Variants in KLHL29 observed in about 807,000 individuals in gnomAD.
KLHL29 encodes kelch-like protein 29.
KLHL29 carries 21 observed loss-of-function variants against 80.4 expected under a neutral mutation model. That is an observed-to-expected ratio of 0.26 (90% CI 0.19 to 0.38). KLHL29 has a LOEUF of 0.38. KLHL29 is among the 10% of genes least tolerant of loss of function. The pLI is 1.00. For synonymous variants in KLHL29, 511 were observed against 526.8 expected (o/e 0.97, Z 0.41); for missense variants, 867 against 1,223.9 (o/e 0.71, Z 4.35).
chr2:23,705,424 G>T (rs1459745223), intron 13 of KLHL29, among the ~76,000 whole-genome samples: 1 of 152,058 alleles, frequency 6.6e-6, no homozygotes. Context: ...CCTGGGAGGC[G>T]GAGGTTGCAG....
intron 6 of KLHL29, among the ~76,000 whole-genome samples, chr2:23,686,014 C>T (rs1047373138): frequency 1.3e-5 from 2 of 152,184 alleles, no homozygotes; most frequent in South Asian, 4.1e-4. Flanking sequence ...AGAGACCGCA[C>T]ATTGAAAGCC....
intron 5 of KLHL29, among the ~76,000 whole-genome samples, chr2:23,675,158 C>T (rs138153238): frequency 8.8e-4 from 134 of 152,288 alleles, no homozygotes; most frequent in African/African-American, 3.2e-3. Context: ...CTCTCCCGCT[C>T]GGAATATTCC....
chr2:23,654,102 G>A (rs1670165951), intron 5 of KLHL29, among the ~76,000 whole-genome samples: 1 of 152,080 alleles, frequency 6.6e-6, no homozygotes, highest in Non-Finnish European at 1.5e-5. Context: ...AGGAGGTAGA[G>A]GTTGCAGTGA....
At chr2:23,397,352 A>C (rs143680611) in intron 1 of KLHL29, among the ~76,000 whole-genome samples, 1 of 152,204 alleles carries the variant, frequency 6.6e-6, no homozygotes, top group African/African-American at 2.4e-5. Context: ...CAGGTTTTAA[A>C]ATTTAAAGCT....
chr2:23,505,903 G>A (rs1316015832), intron 2 of KLHL29, among the ~76,000 whole-genome samples: 4 of 152,216 alleles, frequency 2.6e-5, no homozygotes, highest in African/African-American at 9.6e-5. Flanking sequence ...AGCAACCAAA[G>A]GGCGTTGGGG....
chr2:23,429,229 T>C (rs1005503762), intron 1 of KLHL29, among the ~76,000 whole-genome samples: 2 of 152,204 alleles, frequency 1.3e-5, no homozygotes, highest in African/African-American at 4.8e-5. Context: ...CTAAGATCTG[T>C]TCTCTCCATG....
intron 2 of KLHL29, among the ~76,000 whole-genome samples, chr2:23,479,901 A>C (rs1409970899): frequency 2.0e-5 from 3 of 152,194 alleles, no homozygotes; most frequent in Non-Finnish European, 4.4e-5. Flanking sequence ...TCTTGGGATT[A>C]GATTATTTTA....
chr2:23,562,139 C>G lies in KLHL29; in HGVS notation c.-45-13C>G, dbSNP rs775317192. The G allele has an allele frequency of 6.0e-4, 929 of 1,543,512 alleles. No homozygotes were observed. Among genetic ancestry groups the G allele is most frequent in the Non-Finnish European group, 7.6e-4 (869 of 1,144,208 alleles). On this transcript the variant is annotated splice_polypyrimidine_tract_variant and intron_variant, in intron 2 of 13. Transcript: ENST00000486442. This position sits in a 1 kb window ranked among gnomAD's most constrained non-coding sequence, Gnocchi z 4.5. ...AGTCCTAAATCACCCTTCTCTCCACCCTGTCACCACAGGTCCGGGCTCTGT... is the reference window on the plus strand; with the variant it reads ...AGTCCTAAATCACCCTTCTCTCCACGCTGTCACCACAGGTCCGGGCTCTGT...
rs76349090 is a variant in KLHL29 at position 23,699,694 on chromosome 2, C to T, written c.2105+3181C>T. On this transcript the variant is annotated intron_variant, in intron 11 of 13. Transcript: ENST00000486442. Reference sequence around the variant, plus strand: ...TCAACCCAACCGTTTGCCTTCTCGGCGCCCAGCCCTGGGGGCTGAATGCTG... The same window carrying T: ...TCAACCCAACCGTTTGCCTTCTCGGTGCCCAGCCCTGGGGGCTGAATGCTG... Among the ~76,000 whole-genome samples, 108 of 152,318 alleles carry T rather than the reference C, an allele frequency of 7.1e-4. 2 individuals are homozygous for T. In the East Asian group the frequency reaches 0.018, roughly 25 times the overall value.
Position 23,642,774 on chromosome 2 carries a change from C to T in KLHL29, c.864C>T (p.Asp288=), listed in dbSNP as rs1186353547. 6.5e-7 allele frequency: 1 copy of T among 1,550,318 alleles called. No individual in the cohort carries two copies. Among genetic ancestry groups the T allele is most frequent in the Non-Finnish European group, 8.7e-7 (1 of 1,146,906 alleles). The change falls in exon 5 of 14, where the codon GAC becomes GAT. Residue 288 remains aspartate, a synonymous_variant. Transcript: ENST00000486442. ...CCACCAATGGGCCCCCCACAACCGA[C>T]TCGGCCCACGGGCTGCAGATGCTGC... The part of the protein sequence containing the change: ...APATNGPPTT[D]SAHGLQMLRT...
At chr2:23,583,521 G>C (rs939374728) in intron 3 of KLHL29, among the ~76,000 whole-genome samples, 1 of 152,172 alleles carries the variant, frequency 6.6e-6, no homozygotes, top group Non-Finnish European at 1.5e-5. Flanking sequence ...TTCAAAGGGC[G>C]ATTAAAGCGA....
chr2:23,441,357 A>C (rs1663515682), intron 1 of KLHL29, among the ~76,000 whole-genome samples: 1 of 150,712 alleles, frequency 6.6e-6, no homozygotes, highest in Admixed American at 6.6e-5. Context: ...GAGGGATAGC[A>C]TTAGGAGATA....
In KLHL29 at chr2:23,385,191, G is replaced by C. The variant is rs1396056164; in HGVS notation, c.-743G>C. On this transcript the variant is annotated 5_prime_UTR_variant, in exon 1 of 14. Coordinates refer to ENST00000486442, the MANE Select transcript of KLHL29 (RefSeq NM_052920.2). The stretch of plus-strand genomic sequence containing the variant: ...TCGCAGCTAAAGCAGACGGTACCCG[G>C]AGCGGAGCGAGCCAGAAGGGAGCAT... 16 of 147,478 alleles carry C rather than the reference G, an allele frequency of 1.1e-4. No individual in the cohort carries two copies. The highest frequency in any genetic ancestry group is 2.1e-4 in the Non-Finnish European group (14 of 66,104). The allele number at this position is 147,478 out of a possible 1,614,324, so 9.1% of individuals were successfully genotyped here.
chr2:23,586,010 G>A (rs1403610719), intron 3 of KLHL29, among the ~76,000 whole-genome samples: 1 of 152,164 alleles, frequency 6.6e-6, no homozygotes, highest in Non-Finnish European at 1.5e-5. Context: ...TTTAAGCCTA[G>A]CCTGGAGCCA....
chr2:23,686,390 C>T (rs928390531), intron 6 of KLHL29, among the ~76,000 whole-genome samples: 7 of 152,052 alleles, frequency 4.6e-5, no homozygotes, highest in African/African-American at 1.7e-4. Flanking sequence ...CGCCTGACTC[C>T]GCCGCTTGTC....
intron 1 of KLHL29, among the ~76,000 whole-genome samples, chr2:23,390,650 C>CTTTTTTTT (rs70941576): frequency 8.3e-6 from 1 of 120,234 alleles, no homozygotes; most frequent in Non-Finnish European, 1.6e-5. Context: ...ACCATCTTTA[C>CTTTTTTTT]TTTTTTTTTT....
chr2:23,526,039 T>C (rs948037698), intron 2 of KLHL29, among the ~76,000 whole-genome samples: 1 of 152,222 alleles, frequency 6.6e-6, no homozygotes, highest in South Asian at 2.1e-4. Flanking sequence ...TGGGCCCTAA[T>C]GTTTGCCCTC....
chr2:23,505,205 C>A (rs1213426085), intron 2 of KLHL29, among the ~76,000 whole-genome samples: 2 of 152,186 alleles, frequency 1.3e-5, no homozygotes, highest in African/African-American at 4.8e-5. Flanking sequence ...GGTGGAGAAA[C>A]TGAGGCCCAG....
chr2:23,633,531 A>C (rs1259151803), intron 3 of KLHL29, among the ~76,000 whole-genome samples: 1 of 150,776 alleles, frequency 6.6e-6, no homozygotes, highest in South Asian at 2.1e-4. Context: ...GACACATTTT[A>C]TAATATCTCC....
Sources: gnomAD v4.1 joint callset for allele counts (sites outside exome capture counted in the v4.1 genomes callset) on GRCh38, gnomAD v4.1.1 for gene constraint, Gnocchi (gnomAD v3.1) non-coding constraint, MANE v1.5 for transcripts, NCBI Gene and HGNC (gene_info 2026-07-23, HGNC 2026-07-21) for gene names.